The following APBB2 variants were observed in gnomAD, a reference collection of about 807,000 sequenced individuals.
The protein encoded by APBB2 is Fe65-like 1.
APBB2 carries 38 observed loss-of-function variants against 82.5 expected under a neutral mutation model. The ratio of observed to expected loss-of-function variants is 0.46; its 90% CI spans 0.36 to 0.60. The LOEUF (loss-of-function observed/expected upper bound fraction) is 0.60, where lower values mean the gene tolerates loss of function less well. Ranked by LOEUF, APBB2 falls within the 20% of genes least tolerant of loss-of-function variation. The pLI is 0.00. For missense variants in APBB2, 772 were observed against 972.3 expected, an observed-to-expected ratio of 0.79 and a Z score of 2.74; for synonymous variants, 341 against 368.2, an observed-to-expected ratio of 0.93 and a Z score of 0.85.
chr4:41,023,799 C>T (rs1278138081), intron 5 of APBB2, among the ~76,000 whole-genome samples: 3 of 152,082 alleles, frequency 2.0e-5, no homozygotes, highest in Admixed American at 6.5e-5. Context: ...ATCAAACTAT[C>T]GACATTCTTC....
chr4:41,175,680 T>A (rs1769576040), intron 1 of APBB2, among the ~76,000 whole-genome samples: 1 of 152,184 alleles, frequency 6.6e-6, no homozygotes, highest in Non-Finnish European at 1.5e-5. Context: ...GAATGTTTTT[T>A]AATTTTTTTA....
chr4:40,857,620 G>A (rs564847656), intron 12 of APBB2, among the ~76,000 whole-genome samples: 54 of 152,168 alleles, frequency 3.5e-4, no homozygotes, highest in African/African-American at 1.3e-3. Flanking sequence ...ACAGGCGCCC[G>A]CCACCATGCC....
chr4:41,097,175 C>G (rs1743766142), intron 3 of APBB2, among the ~76,000 whole-genome samples: 2 of 152,162 alleles, frequency 1.3e-5, no homozygotes, highest in Non-Finnish European at 2.9e-5. Flanking sequence ...TTGATTAAGA[C>G]AGCTCGGCAG....
intron 1 of APBB2, among the ~76,000 whole-genome samples, chr4:41,158,185 T>C (rs1763958959): frequency 6.6e-6 from 1 of 152,128 alleles, no homozygotes; most frequent in Non-Finnish European, 1.5e-5. Context: ...TCATGCAGGA[T>C]AGGCATAATG....
chr4:40,948,001 C>A (rs1047215810), intron 6 of APBB2, among the ~76,000 whole-genome samples: 1 of 152,144 alleles, frequency 6.6e-6, no homozygotes, highest in Non-Finnish European at 1.5e-5. Flanking sequence ...CAGTTCTATG[C>A]GATTTCACAG....
At chr4:40,857,708 G>A (rs1761725385) in intron 12 of APBB2, among the ~76,000 whole-genome samples, 1 of 151,868 alleles carries the variant, frequency 6.6e-6, no homozygotes, top group African/African-American at 2.4e-5. Context: ...GGCCTCAAGT[G>A]AGCCGCCCGC....
intron 2 of APBB2, among the ~76,000 whole-genome samples, chr4:41,109,128 C>T (rs937619468): frequency 3.9e-5 from 6 of 152,110 alleles, no homozygotes; most frequent in Admixed American, 1.3e-4. Flanking sequence ...AGGTCCCGCA[C>T]CATGGTTCTC....
In APBB2 at chr4:40,935,224, C is replaced by G. The variant is rs184271315; in HGVS notation, c.1045-85G>C. On this transcript the variant is annotated intron_variant, in intron 7 of 17. Transcript: ENST00000508593. ...AAAGAAAAAAAAAAAACACAAGACA[C>G]TGTTGTTAGCATTGATATTCACAAG... 49 of 991,152 alleles carry G rather than the reference C, an allele frequency of 4.9e-5. No homozygotes were observed. The African/African-American group carries it at 7.3e-4, about 15-fold the overall frequency. 61.4% of individuals were successfully genotyped at this position (991,152 alleles called of 1,614,324 possible). A position where few individuals can be genotyped will look rare whatever the true frequency, so the allele number is the denominator to read the frequency against.
At position 40,847,231 on chromosome 4, in the gene APBB2, G is replaced by A. The variant is rs138051052; in HGVS notation, c.1530-16654C>T. Among the ~76,000 whole-genome samples, 456 of 152,290 alleles carry A rather than the reference G, an allele frequency of 3.0e-3. 2 individuals carry two copies. Among genetic ancestry groups the A allele is most frequent in the African/African-American group, 0.011 (443 of 41,542 alleles). The stretch of plus-strand genomic sequence containing the variant: ...TAATCCCAGCACTTTGGGAGGTTGA[G>A]GCAGGTGGATTACTTGAGGCCAGGA... On this transcript the variant is annotated intron_variant, in intron 12 of 17. Coordinates refer to ENST00000508593, the MANE Select transcript of APBB2 (RefSeq NM_004307.2).
intron 10 of APBB2, among the ~76,000 whole-genome samples, chr4:40,918,121 C>T (rs577874598): frequency 6.6e-6 from 1 of 152,342 alleles, no homozygotes; most frequent in South Asian, 2.1e-4. Flanking sequence ...AATATTTTCA[C>T]TTATTTACAA....
rs6854670 is a variant in APBB2 at position 40,899,671 on chromosome 4, C to T, written c.1255-6260G>A. Among the ~76,000 whole-genome samples, 239 of 152,324 alleles carry T rather than the reference C, an allele frequency of 1.6e-3. 1 individual carries two copies. Among genetic ancestry groups the T allele is most frequent in the African/African-American group, 5.0e-3 (208 of 41,572 alleles). Reference sequence around the variant, plus strand: ...ATATGGACTTCGTTCTCTCTGGTTCCGCAAGATACTATTATTTCAATTTTT... The same window carrying T: ...ATATGGACTTCGTTCTCTCTGGTTCTGCAAGATACTATTATTTCAATTTTT... On this transcript the variant is annotated intron_variant, in intron 10 of 17. Coordinates refer to ENST00000508593, the MANE Select transcript of APBB2 (RefSeq NM_004307.2).
chr4:41,075,906 C>T (rs970884925), intron 3 of APBB2, among the ~76,000 whole-genome samples: 5 of 152,200 alleles, frequency 3.3e-5, no homozygotes, highest in African/African-American at 1.2e-4. Context: ...TGAACTCTTC[C>T]TTAATGGACC....
At position 40,967,411 on chromosome 4, in the gene APBB2, C is replaced by T. The variant is rs925766798; in HGVS notation, c.836-22338G>A. On this transcript the variant is annotated intron_variant, in intron 6 of 17. Transcript: ENST00000508593. ...GCTGCAGCCTTTTGGGGAGCCCAGG[C>T]CTAGGAGCTCCCTGAGCCAGGGCTA... Among the ~76,000 whole-genome samples the T allele has an allele frequency of 1.6e-4, 24 of 152,310 alleles. 1 individual carries two copies. The highest frequency in any genetic ancestry group is 1.5e-5 in the Non-Finnish European group (1 of 68,016).
chr4:40,958,355 C>T (rs959974879), intron 6 of APBB2, among the ~76,000 whole-genome samples: 3 of 152,110 alleles, frequency 2.0e-5, no homozygotes, highest in East Asian at 1.9e-4. Flanking sequence ...GAACCTCAGG[C>T]TTAAGGGTGC....
At chr4:41,083,398 T>C (rs1293311481) in intron 3 of APBB2, among the ~76,000 whole-genome samples, 1 of 151,962 alleles carries the variant, frequency 6.6e-6, no homozygotes, top group Admixed American at 6.6e-5. Flanking sequence ...TTTCTAAAAC[T>C]GTTACATTGT....
rs566171642 is a variant in APBB2, at chr4:40,811,236, A to G, written c.*4856T>C. The G allele has an allele frequency of 6.6e-6, 1 of 152,324 alleles. No homozygotes were observed. Among genetic ancestry groups the G allele is most frequent in the South Asian group, 2.1e-4 (1 of 4,820 alleles). 9.4% of individuals were successfully genotyped at this position (152,324 alleles called of 1,614,324 possible). Reference sequence around the variant, plus strand: ...CTATGAAGGACAGGATTATTTAAATACTTTGGTAGAGTGAAAAGGGAAAAG... The same window carrying G: ...CTATGAAGGACAGGATTATTTAAATGCTTTGGTAGAGTGAAAAGGGAAAAG... On this transcript the variant is annotated 3_prime_UTR_variant, in exon 18 of 18. Transcript: ENST00000508593.
At chr4:41,042,980 G>C (rs1182727406) in intron 4 of APBB2, among the ~76,000 whole-genome samples, 1 of 152,196 alleles carries the variant, frequency 6.6e-6, no homozygotes, top group East Asian at 1.9e-4. Flanking sequence ...ACTGATCCAA[G>C]AAAGGTATAA....
intron 2 of APBB2, among the ~76,000 whole-genome samples, chr4:41,105,318 A>T (rs968610571): frequency 1.3e-5 from 2 of 152,202 alleles, no homozygotes; most frequent in Non-Finnish European, 2.9e-5. Flanking sequence ...TAGCATTTTC[A>T]TATAGGTTCT....
chr4:40,858,679 A>G (rs1047426433), intron 12 of APBB2, among the ~76,000 whole-genome samples: 3 of 152,174 alleles, frequency 2.0e-5, no homozygotes, highest in Non-Finnish European at 4.4e-5. Flanking sequence ...AATGAGGATC[A>G]GGTGTTTTCT....
Sources: gnomAD v4.1 joint callset for allele counts (sites outside exome capture counted in the v4.1 genomes callset) on GRCh38, gnomAD v4.1.1 for gene constraint, MANE v1.5 for transcripts, NCBI Gene and HGNC (gene_info 2026-07-23, HGNC 2026-07-21) for gene names.